SLC13A5: variants seen among roughly 807,000 people sequenced by gnomAD.
The protein encoded by SLC13A5 is Na(+)/citrate cotransporter.
A neutral mutation model predicts 56.5 loss-of-function variants in SLC13A5; 25 were observed. The ratio of observed to expected loss-of-function variants is 0.44; its 90% CI spans 0.32 to 0.62. SLC13A5 has a LOEUF of 0.62. SLC13A5 is among the 20% of genes least tolerant of loss of function. SLC13A5 has a pLI of 0.04. For missense variants in SLC13A5, 649 were observed against 737.8 expected (o/e 0.88, Z 1.39); for synonymous variants, 307 against 301.5 (o/e 1.02, Z -0.19).
At chr17:6,691,577 A>G (rs1485509913) in intron 9 of SLC13A5, among the ~76,000 whole-genome samples, 1 of 152,222 alleles carries the variant, frequency 6.6e-6, no homozygotes, top group Non-Finnish European at 1.5e-5. Context: ...TTCAGGGAGA[A>G]CAGAGAAGTC....
chr17:6,708,510 A>G (rs1274997509), intron 1 of SLC13A5, among the ~76,000 whole-genome samples: 1 of 152,262 alleles, frequency 6.6e-6, no homozygotes, highest in African/African-American at 2.4e-5. Flanking sequence ...CAATATTCCC[A>G]TAGGCAAATT....
chr17:6,703,008 C>T lies in SLC13A5; in HGVS notation c.678G>A (p.Gly226=). 6.2e-7 allele frequency: 1 copy of T among 1,614,254 alleles called. No individual in the cohort carries two copies. Among genetic ancestry groups the T allele is most frequent in the Non-Finnish European group, 8.5e-7 (1 of 1,180,052 alleles). ...ASIGGTATLT[G]TGPNVVLLGQ... ...CCAGGAGCACCACGTTGGGTCCCGTCCCGGTCAGGGTGGCGGTGCCCCCGA... is the reference window on the plus strand; with the variant it reads ...CCAGGAGCACCACGTTGGGTCCCGTTCCGGTCAGGGTGGCGGTGCCCCCGA... The change falls in exon 5 of 12, where the codon GGG becomes GGA. Residue 226 remains glycine (G), a synonymous_variant. Coordinates refer to ENST00000433363, the MANE Select transcript of SLC13A5 (RefSeq NM_177550.5).
chr17:6,696,648 A>G (rs1320568553), intron 6 of SLC13A5, among the ~76,000 whole-genome samples: 1 of 152,002 alleles, frequency 6.6e-6, no homozygotes, highest in African/African-American at 2.4e-5. Context: ...GGAGGTGTAA[A>G]GGGGAGCTCA....
chr17:6,694,932 T>C (rs1195928452), intron 7 of SLC13A5, among the ~76,000 whole-genome samples: 2 of 152,218 alleles, frequency 1.3e-5, no homozygotes, highest in African/African-American at 4.8e-5. Flanking sequence ...TCTTCCATTC[T>C]GACAACGTCT....
chr17:6,693,074 C>A lies in SLC13A5; in HGVS notation c.1245G>T (p.Gly415=). Residue 415 remains glycine, a synonymous_variant, in exon 9 of 12, where the codon GGG becomes GGT. Coordinates refer to ENST00000433363, the MANE Select transcript of SLC13A5 (RefSeq NM_177550.5). Reference sequence around the variant, plus strand: ...ATCCTTTAGCCAGAGCAAATCCGCCCCCTAGTAGCAGCACGATGCCCCAGG... The same window carrying A: ...ATCCTTTAGCCAGAGCAAATCCGCCACCTAGTAGCAGCACGATGCCCCAGG... ...KVPWGIVLLL[G]GGFALAKGSE... The A allele has an allele frequency of 6.2e-7, 1 of 1,614,076 alleles. No individual in the cohort carries two copies. Among genetic ancestry groups the A allele is most frequent in the African/African-American group, 1.3e-5 (1 of 75,000 alleles).
At position 6,692,564 on chromosome 17, in the gene SLC13A5, GA is replaced by G. The variant is rs1205802232; in HGVS notation, c.1275+479del. Among the ~76,000 whole-genome samples, 2 of 152,200 alleles carry G rather than the reference GA, an allele frequency of 1.3e-5. No homozygotes were observed. Among genetic ancestry groups the G allele is most frequent in the African/African-American group, 4.8e-5 (2 of 41,452 alleles). ...CCCAGGAGGGAAAGAAGGAGGTAAA[GA>G]AAGTTATATTTTTGTGTGTTTTCCA... is the stretch of plus-strand genomic sequence containing the variant. On this transcript the variant is annotated intron_variant, in intron 9 of 11. Coordinates refer to ENST00000433363, the MANE Select transcript of SLC13A5 (RefSeq NM_177550.5). This position sits in a 1 kb window ranked among gnomAD's most constrained non-coding sequence, Gnocchi z 5.5.
At chr17:6,689,685 C>G (rs967595696) in intron 10 of SLC13A5, 16 of 152,172 alleles carry the variant, frequency 1.1e-4, no homozygotes, top group Admixed American at 3.3e-4. Flanking sequence ...AACACTTTCA[C>G]CTCCTTGCTA....
chr17:6,706,570 G>A lies in SLC13A5; in HGVS notation c.368+72C>T, dbSNP rs559554398. The A allele has an allele frequency of 3.0e-5, 47 of 1,569,744 alleles. No individual in the cohort carries two copies. In the East Asian group the frequency reaches 9.9e-4, roughly 33 times the overall value. Reference sequence around the variant, plus strand: ...CTCACCAGTGGATGGCCTGGTCTGTGCCATCCTCCACCCCCTTCCAGCCCT... The same window carrying A: ...CTCACCAGTGGATGGCCTGGTCTGTACCATCCTCCACCCCCTTCCAGCCCT... On this transcript the variant is annotated intron_variant, in intron 3 of 11. Coordinates refer to ENST00000433363, the MANE Select transcript of SLC13A5 (RefSeq NM_177550.5).
In SLC13A5 at chr17:6,703,959, A is replaced by G. The variant is rs1284550674; in HGVS notation, c.466T>C (p.Leu156=). ...GCGCTTGTGGCTTCCATCTGCTGCA[A>G]TATGGCCTCCACGATGGGCACCATC... ...AMMVPIVEAI[L]QQMEATSAAT... The change falls in exon 4 of 12, where the codon TTG becomes CTG. Residue 156 remains leucine, a synonymous_variant. Transcript: ENST00000433363. 2.5e-6 allele frequency: 4 copies of G among 1,611,906 alleles called. No individual in the cohort carries two copies. The highest frequency in any genetic ancestry group is 1.1e-5 in the South Asian group (1 of 90,974).
chr17:6,694,036 G>T, intron 8 of SLC13A5, 61 bp downstream of exon 8: 2 of 1,166,126 alleles, frequency 1.7e-6, no homozygotes, highest in Non-Finnish European at 1.3e-6. Flanking sequence ...GCATCCCATA[G>T]TGACCCTTTG....
intron 1 of SLC13A5, among the ~76,000 whole-genome samples, chr17:6,708,993 C>CTTTT (rs575087645): frequency 1.5e-5 from 2 of 133,034 alleles, no homozygotes; most frequent in African/African-American, 5.5e-5. Flanking sequence ...TCTTTTATTT[C>CTTTT]TTTTTTTTTT....
At chr17:6,697,118 C>T (rs538102155) in intron 6 of SLC13A5, among the ~76,000 whole-genome samples, 1 of 152,290 alleles carries the variant, frequency 6.6e-6, no homozygotes, top group South Asian at 2.1e-4. Flanking sequence ...ACTCTCTAGA[C>T]ATCCGGCACA....
rs939761553 is a variant in SLC13A5 at position 6,687,294 on chromosome 17, G to A, written c.1575+235C>T. On this transcript the variant is annotated intron_variant, in intron 11 of 11. Coordinates refer to ENST00000433363, the MANE Select transcript of SLC13A5 (RefSeq NM_177550.5). The surrounding 1 kb of genome is among the most constrained non-coding windows in gnomAD (Gnocchi z 5.0). Reference sequence around the variant, plus strand: ...CCTGGTGCCTGCACAGGCTTCTCCAGGTGGGAGAGTCTATAACCCACCTCA... The same window carrying A: ...CCTGGTGCCTGCACAGGCTTCTCCAAGTGGGAGAGTCTATAACCCACCTCA... 2 of 523,246 alleles carry A rather than the reference G, an allele frequency of 3.8e-6. No individual in the cohort carries two copies. The highest frequency in any genetic ancestry group is 6.5e-6 in the Non-Finnish European group (2 of 309,350). 32.4% of individuals were successfully genotyped at this position (523,246 alleles called of 1,614,324 possible).
At position 6,701,696 on chromosome 17, in the gene SLC13A5, C is replaced by T. The variant is rs1365706774; in HGVS notation, c.717-570G>A. ...CTGCACTCCAGCCTGGGCGACAGAGCGAGACTTGTCTCAAAAAGAAAAAAA... is the reference window on the plus strand; with the variant it reads ...CTGCACTCCAGCCTGGGCGACAGAGTGAGACTTGTCTCAAAAAGAAAAAAA... On this transcript the variant is annotated intron_variant, in intron 5 of 11. Coordinates refer to ENST00000433363, the MANE Select transcript of SLC13A5 (RefSeq NM_177550.5). The surrounding 1 kb of genome is among the most constrained non-coding windows in gnomAD (Gnocchi z 4.1). Among the ~76,000 whole-genome samples, 1 of 152,116 alleles carries T rather than the reference C, an allele frequency of 6.6e-6. No individual in the cohort carries two copies. Among genetic ancestry groups the T allele is most frequent in the Non-Finnish European group, 1.5e-5 (1 of 68,022 alleles).
intron 1 of SLC13A5, among the ~76,000 whole-genome samples, chr17:6,708,801 C>T (rs4523975): frequency 0.21 from 32,534 of 152,072 alleles, 3,862 homozygotes; most frequent in East Asian, 0.34. Flanking sequence ...CTGACACGCA[C>T]GCCCACGCTC....
In SLC13A5 at chr17:6,685,750, T is replaced by C. The variant is rs1392924028; in HGVS notation, c.*457A>G. On this transcript the variant is annotated 3_prime_UTR_variant, in exon 12 of 12. Transcript: ENST00000433363. The surrounding 1 kb of genome is among the most constrained non-coding windows in gnomAD (Gnocchi z 4.2). ...CAGAGTGACAGAGATGATCTGAGGC[T>C]GCTCAAGGTGAGCTGGAAGGGACAT... 2 of 158,402 alleles carry C rather than the reference T, an allele frequency of 1.3e-5. No individual in the cohort carries two copies. Among genetic ancestry groups the C allele is most frequent in the African/African-American group, 4.8e-5 (2 of 41,750 alleles). 9.8% of individuals were successfully genotyped at this position (158,402 alleles called of 1,614,324 possible). A position where few individuals can be genotyped will look rare whatever the true frequency, so the allele number is the denominator to read the frequency against.
At chr17:6,690,649 A>G in intron 10 of SLC13A5, 130 bp downstream of exon 10, 1 of 1,283,656 alleles carries the variant, frequency 7.8e-7, no homozygotes, top group Non-Finnish European at 1.1e-6. Context: ...AATCCACGTC[A>G]CAGTCAGACC....
intron 1 of SLC13A5, among the ~76,000 whole-genome samples, chr17:6,710,230 G>T (rs911128988): frequency 6.6e-6 from 1 of 152,228 alleles, no homozygotes; most frequent in Non-Finnish European, 1.5e-5. Flanking sequence ...ATGAGAGGGC[G>T]CATTGGAGAG....
At chr17:6,694,237 G>T in intron 7 of SLC13A5, 40 bp from the exon 8 acceptor site, 2 of 1,253,084 alleles carry the variant, frequency 1.6e-6, no homozygotes, top group Non-Finnish European at 2.3e-6. Context: ...GACAGAGACA[G>T]TCACTCAACA....
Sources: allele counts gnomAD v4.1 joint callset (sites outside exome capture counted in the v4.1 genomes callset), GRCh38; gene constraint gnomAD v4.1.1; non-coding constraint Gnocchi (gnomAD v3.1); transcripts MANE v1.5; gene names NCBI Gene and HGNC (gene_info 2026-07-23, HGNC 2026-07-21).